Variants in ZBP1 observed in about 807,000 individuals in gnomAD.
ZBP1 encodes Z-DNA-binding protein 1.
A neutral mutation model predicts 41.1 loss-of-function variants in ZBP1; 42 were observed. The ratio of observed to expected loss-of-function variants is 1.02; its 90% CI spans 0.80 to 1.32. The LOEUF (loss-of-function observed/expected upper bound fraction) is 1.32, where lower values mean the gene tolerates loss of function less well. Ranked by LOEUF, ZBP1 falls within the 40% of genes most tolerant of loss-of-function variation. ZBP1 has a pLI of 0.00. For missense variants in ZBP1, 562 were observed against 549.7 expected, an observed-to-expected ratio of 1.02 and a Z score of -0.22; for synonymous variants, 214 against 205.2, an observed-to-expected ratio of 1.04 and a Z score of -0.37.
At chr20:57,608,748 G>T (rs1469915074) in intron 7 of ZBP1, among the ~76,000 whole-genome samples, 4 of 150,614 alleles carry the variant, frequency 2.7e-5, no homozygotes, top group Admixed American at 1.3e-4. Flanking sequence ...GACACGTGGG[G>T]CCAGGGTCTC....
chr20:57,613,000 T>C, intron 5 of ZBP1, 163 bp downstream of exon 5: 1 of 1,465,664 alleles, frequency 6.8e-7, no homozygotes, highest in Non-Finnish European at 9.0e-7. Flanking sequence ...GGTGTCCTCA[T>C]TCTCAGGACG....
rs1156403946 is a variant in ZBP1, at chr20:57,616,435, G to C, written c.68C>G (p.Thr23Arg). 6.2e-7 allele frequency: 1 copy of C among 1,613,936 alleles called. No homozygotes were observed. Among genetic ancestry groups the C allele is most frequent in the South Asian group, 1.1e-5 (1 of 91,070 alleles). ...HLEQRILQVL[T>R]EAGSPVKLAQ... ...AAGTTTCACCGGGGAGCCAGCCTCT[G>C]TCAGCACCTGCAGGATTCTTTGTTC... The change falls in exon 2 of 8, where the codon ACA becomes AGA. Residue 23 changes from threonine (T) to arginine (R), a missense_variant. Transcript: ENST00000371173.
At chr20:57,615,366 GGCTCTGAACACTGTATGGGA>G in intron 3 of ZBP1, 126 bp downstream of exon 3, 1 of 866,728 alleles carries the variant, frequency 1.2e-6, no homozygotes, top group Non-Finnish European at 1.8e-6. Flanking sequence ...GCTGGGTCTT[GGCTCTGAACACTGTATGGGA>G]GCTGCCTGGT....
intron 7 of ZBP1, among the ~76,000 whole-genome samples, chr20:57,605,933 T>C (rs1371876603): frequency 6.6e-6 from 1 of 151,386 alleles, no homozygotes; most frequent in African/African-American, 2.4e-5. Context: ...AAACTCCATC[T>C]CAAAAATAAA....
At chr20:57,616,586 G>A (rs2070839381) in intron 1 of ZBP1, 118 bp from the exon 2 acceptor site, 2 of 1,034,770 alleles carry the variant, frequency 1.9e-6, no homozygotes, top group Non-Finnish European at 1.4e-6. Context: ...GTCCAGGGCA[G>A]AGGAAAGGGC....
At position 57,611,775 on chromosome 20, in the gene ZBP1, CGT is replaced by C. The variant is rs1568931898; in HGVS notation, c.824_825del (p.His275ArgfsTer29). Reference sequence around the variant, plus strand: ...TGGGCAGGGCCCTCGGACGGGACGCCGTGGAGCCTCATCTCATTGCTGTGTCC... The same window carrying C: ...TGGGCAGGGCCCTCGGACGGGACGCCGGAGCCTCATCTCATTGCTGTGTCC... ...QLGHSNEMRLHGVPSEGPAHI... is the reference protein window; with the variant it reads ...QLGHSNEMRLXGVPSEGPAHI... On this transcript the variant is annotated frameshift_variant, in exon 6 of 8. Transcript: ENST00000371173. LOFTEE classifies it high-confidence loss of function. 6.2e-7 allele frequency: 1 copy of C among 1,612,700 alleles called. No individual in the cohort carries two copies. Among genetic ancestry groups the C allele is most frequent in the South Asian group, 1.1e-5 (1 of 90,570 alleles).
At position 57,604,672 on chromosome 20, in the gene ZBP1, T is replaced by C. The variant is rs763168557; in HGVS notation, c.1191A>G (p.Glu397=). ...PSHSKLTPKL[E]TMTLGNRSHK... ...GACTCCTGTTTCCAAGAGTCATAGT[T>C]TCCAGCTTGGGGGTGAGCTTCGAGT... Residue 397 remains glutamate (E), a synonymous_variant, in exon 8 of 8, where the codon GAA becomes GAG. Coordinates refer to ENST00000371173, the MANE Select transcript of ZBP1 (RefSeq NM_030776.3). The C allele has an allele frequency of 1.5e-5, 24 of 1,614,058 alleles. No individual in the cohort carries two copies. Among genetic ancestry groups the C allele is most frequent in the Non-Finnish European group, 1.7e-5 (20 of 1,180,036 alleles).
In ZBP1 at chr20:57,613,886, T is replaced by C. The variant is rs2070744491; in HGVS notation, c.503-556A>G. 6.6e-6 allele frequency among the ~76,000 whole-genome samples: 1 copy of C among 152,222 alleles called. No homozygotes were observed. The highest frequency in any genetic ancestry group is 1.5e-5 in the Non-Finnish European group (1 of 68,038). On this transcript the variant is annotated intron_variant, in intron 4 of 7. Coordinates refer to ENST00000371173, the MANE Select transcript of ZBP1 (RefSeq NM_030776.3). The surrounding 1 kb of genome is among the most constrained non-coding windows in gnomAD (Gnocchi z 4.5). ...GTAGCAGAGTCAGCCCTGCAGAGGT[T>C]GAGGCAGGCACCTGCCCAGACTGTG...
At chr20:57,615,791 T>G (rs1332173528) in intron 2 of ZBP1, 5 of 548,364 alleles carry the variant, frequency 9.1e-6, no homozygotes, top group Non-Finnish European at 1.6e-5. Flanking sequence ...CTCAGCCTCC[T>G]TTGCCTCCTG....
intron 5 of ZBP1, chr20:57,612,780 C>T: frequency 1.9e-6 from 1 of 519,114 alleles, no homozygotes; most frequent in Non-Finnish European, 2.7e-6. Context: ...ACAATAACCT[C>T]CCCTGTAGCA....
At chr20:57,616,781 C>T in intron 1 of ZBP1, 1 of 418,718 alleles carries the variant, frequency 2.4e-6, no homozygotes, top group South Asian at 2.3e-5. Context: ...TCTCAGGTGT[C>T]CTCAGGGCAG....
chr20:57,619,773 A>C (rs943071101), intron 1 of ZBP1, among the ~76,000 whole-genome samples: 1 of 151,894 alleles, frequency 6.6e-6, no homozygotes, highest in African/African-American at 2.4e-5. Context: ...CTTGGAAAGC[A>C]TGTTTCGAGG....
At position 57,611,782 on chromosome 20, in the gene ZBP1, C is replaced by G; in HGVS notation, c.819G>C (p.Arg273Ser). 1 of 1,612,828 alleles carries G rather than the reference C, an allele frequency of 6.2e-7. No homozygotes were observed. Among genetic ancestry groups the G allele is most frequent in the Non-Finnish European group, 8.5e-7 (1 of 1,179,678 alleles). Residue 273 changes from arginine to serine, a missense_variant, in exon 6 of 8, where the codon AGG becomes AGC. By Grantham distance (110) the Arg-to-Ser change is moderately radical (BLOSUM62 -1). Transcript: ENST00000371173. ...RVQLGHSNEM[R>S]LHGVPSEGPA... is the part of the protein sequence containing the mutation. ...GGCCCTCGGACGGGACGCCGTGGAG[C>G]CTCATCTCATTGCTGTGTCCCAGCT...
At chr20:57,618,877 G>T (rs1600749257) in intron 1 of ZBP1, among the ~76,000 whole-genome samples, 1 of 152,200 alleles carries the variant, frequency 6.6e-6, no homozygotes, top group Non-Finnish European at 1.5e-5. Flanking sequence ...CACTGCGCCT[G>T]GCCGCAGTTT....
intron 1 of ZBP1, chr20:57,617,852 T>A (rs998617378): frequency 1.5e-5 from 2 of 134,540 alleles, no homozygotes; most frequent in African/African-American, 3.0e-5. Context: ...ACCCCATCTC[T>A]GGAAAAAAAA....
chr20:57,616,655 G>A (rs1465273077), intron 1 of ZBP1, 187 bp from the exon 2 acceptor site: 6 of 622,536 alleles, frequency 9.6e-6, no homozygotes, highest in South Asian at 3.9e-5. Flanking sequence ...CCCAGAGGGA[G>A]GCATGCAGGC....
At chr20:57,618,578 GT>G (rs1170427816) in intron 1 of ZBP1, among the ~76,000 whole-genome samples, 2 of 152,130 alleles carry the variant, frequency 1.3e-5, no homozygotes, top group Non-Finnish European at 2.9e-5. Flanking sequence ...GTCTCGCAGA[GT>G]TTTTTGTTTT....
At chr20:57,619,434 C>A (rs771921221) in intron 1 of ZBP1, among the ~76,000 whole-genome samples, 1 of 152,232 alleles carries the variant, frequency 6.6e-6, no homozygotes, top group Non-Finnish European at 1.5e-5. Flanking sequence ...CAAAACCACA[C>A]TTCACCTACA....
intron 4 of ZBP1, 133 bp downstream of exon 4, chr20:57,614,754 G>T: frequency 8.2e-7 from 1 of 1,226,710 alleles, no homozygotes; most frequent in African/African-American, 1.5e-5. Context: ...AGCCCTTGCA[G>T]TGAATTGTCG....
Sources: gnomAD v4.1 joint callset for allele counts (sites outside exome capture counted in the v4.1 genomes callset) on GRCh38, gnomAD v4.1.1 for gene constraint, Gnocchi (gnomAD v3.1) non-coding constraint, MANE v1.5 for transcripts, NCBI Gene and HGNC (gene_info 2026-07-23, HGNC 2026-07-21) for gene names.